Variants in CFAP61 observed in about 807,000 individuals in gnomAD.
CFAP61 encodes cilia and flagella associated protein 61.
In CFAP61, 107 loss-of-function variants were observed where a neutral mutation model predicts 135.6. The ratio of observed to expected loss-of-function variants is 0.79; its 90% CI spans 0.67 to 0.93. CFAP61 has a LOEUF of 0.93. CFAP61 is among the 40% of genes least tolerant of loss of function. CFAP61 has a pLI of 0.00. For missense variants in CFAP61, 1,507 were observed against 1,556.2 expected, an observed-to-expected ratio of 0.97 and a Z score of 0.53; for synonymous variants, 575 against 578.5, an observed-to-expected ratio of 0.99 and a Z score of 0.09.
At chr20:20,140,229 C>T (rs2051268460) in intron 8 of CFAP61, among the ~76,000 whole-genome samples, 1 of 146,042 alleles carries the variant, frequency 6.8e-6, no homozygotes. Context: ...TTTTAGGGTA[C>T]ATGTGCACAA....
intron 25 of CFAP61, among the ~76,000 whole-genome samples, chr20:20,314,894 C>T (rs2057039901): frequency 7.4e-6 from 1 of 134,342 alleles, no homozygotes; most frequent in South Asian, 2.6e-4. Flanking sequence ...GCATAGTATT[C>T]CATGGTGTAT....
intron 6 of CFAP61, among the ~76,000 whole-genome samples, chr20:20,090,598 G>A (rs1261836354): frequency 1.3e-5 from 2 of 151,146 alleles, no homozygotes; most frequent in Non-Finnish European, 2.9e-5. Context: ...GCTGAGGCAG[G>A]AGAATCGCTT....
chr20:20,199,994 T>C (rs2056528312), intron 17 of CFAP61, 92 bp downstream of exon 17: 2 of 1,431,984 alleles, frequency 1.4e-6, no homozygotes, highest in African/African-American at 2.8e-5. Context: ...AGGAGCAGGC[T>C]GCTTCTTAAT....
intron 8 of CFAP61, among the ~76,000 whole-genome samples, chr20:20,128,468 G>A (rs766396678): frequency 1.3e-5 from 2 of 151,640 alleles, no homozygotes; most frequent in Non-Finnish European, 2.9e-5. Context: ...CTGCAGTGGG[G>A]GTATGTATTT....
Position 20,187,966 on chromosome 20 carries a change from T to G in CFAP61, c.1422T>G (p.Thr474=), listed in dbSNP as rs767827597. The G allele has an allele frequency of 1.9e-6, 3 of 1,613,316 alleles. No homozygotes were observed. In the South Asian group the frequency reaches 3.3e-5, roughly 18 times the overall value. ...TAAGATTTGCCACTCTCTTGGATACTCCTGGTGTGGAAAATCTTGTCAGCA... is the reference window on the plus strand; with the variant it reads ...TAAGATTTGCCACTCTCTTGGATACGCCTGGTGTGGAAAATCTTGTCAGCA... The part of the protein sequence containing the change: ...INIRFATLLD[T]PGVENLVSTL... The change falls in exon 14 of 27, where the codon ACT becomes ACG. Residue 474 remains threonine, a synonymous_variant. Coordinates refer to ENST00000245957, the MANE Select transcript of CFAP61 (RefSeq NM_015585.4).
intron 8 of CFAP61, among the ~76,000 whole-genome samples, chr20:20,140,661 C>T (rs2051313889): frequency 6.6e-6 from 1 of 151,952 alleles, no homozygotes; most frequent in African/African-American, 2.4e-5. Flanking sequence ...TGTGGCAATT[C>T]CTCAGGGATC....
intron 8 of CFAP61, among the ~76,000 whole-genome samples, chr20:20,127,890 G>A (rs1343068087): frequency 1.3e-5 from 2 of 151,570 alleles, no homozygotes; most frequent in African/African-American, 4.9e-5. Flanking sequence ...ATGGGGGTGA[G>A]GTTCCCAGGT....
At chr20:20,054,102 C>T (rs2044069004) in intron 1 of CFAP61, among the ~76,000 whole-genome samples, 1 of 145,572 alleles carries the variant, frequency 6.9e-6, no homozygotes, top group Non-Finnish European at 1.5e-5. Flanking sequence ...TCATGTTTAC[C>T]TTCTTATTTC....
At chr20:20,331,022 A>G (rs1471064452) in intron 25 of CFAP61, among the ~76,000 whole-genome samples, 1 of 152,230 alleles carries the variant, frequency 6.6e-6, no homozygotes, top group African/African-American at 2.4e-5. Context: ...TTGAGACTAT[A>G]TAAATACCTT....
At chr20:20,214,139 G>C (rs2047869849) in intron 17 of CFAP61, among the ~76,000 whole-genome samples, 1 of 152,166 alleles carries the variant, frequency 6.6e-6, no homozygotes, top group Non-Finnish European at 1.5e-5. Context: ...ACAGGGCAGT[G>C]TGGGGCCCTC....
At chr20:20,290,817 G>A (rs936391122) in intron 24 of CFAP61, among the ~76,000 whole-genome samples, 1 of 152,220 alleles carries the variant, frequency 6.6e-6, no homozygotes, top group Non-Finnish European at 1.5e-5. Context: ...CCACCTTGAA[G>A]TGGATCCTGC....
rs183396752 is a variant in CFAP61, at chr20:20,193,805, G to T, written c.1590+2386G>T. On this transcript the variant is annotated intron_variant, in intron 15 of 26. Coordinates refer to ENST00000245957, the MANE Select transcript of CFAP61 (RefSeq NM_015585.4). ...ATTTTTGTATTTTTAGTAGAGATGGGGTTTCACCATGTTGGCCAGTCTGGT... is the reference window on the plus strand; with the variant it reads ...ATTTTTGTATTTTTAGTAGAGATGGTGTTTCACCATGTTGGCCAGTCTGGT... Among the ~76,000 whole-genome samples, 207 of 152,076 alleles carry T rather than the reference G, an allele frequency of 1.4e-3. 1 individual carries two copies. Among genetic ancestry groups the T allele is most frequent in the Non-Finnish European group, 1.9e-3 (128 of 67,990 alleles).
At chr20:20,142,028 G>A (rs543500725) in intron 8 of CFAP61, among the ~76,000 whole-genome samples, 22 of 152,126 alleles carry the variant, frequency 1.4e-4, no homozygotes, top group Non-Finnish European at 2.5e-4. Flanking sequence ...CCAGCAGAGC[G>A]GACACCACTG....
At chr20:20,323,774 C>A (rs923996848) in intron 25 of CFAP61, among the ~76,000 whole-genome samples, 2 of 152,036 alleles carry the variant, frequency 1.3e-5, no homozygotes, top group Admixed American at 1.3e-4. Flanking sequence ...TAAAGAATTG[C>A]AAAGAAACCA....
chr20:20,289,655 A>G (rs1014112158), intron 23 of CFAP61, among the ~76,000 whole-genome samples: 1 of 152,220 alleles, frequency 6.6e-6, no homozygotes, highest in Non-Finnish European at 1.5e-5. Flanking sequence ...ACAGAGACGA[A>G]AGCCCCACAT....
rs1427186631 is a variant in CFAP61 at position 20,075,509 on chromosome 20, T to A, written c.460T>A (p.Phe154Ile). 1 of 1,614,176 alleles carries A rather than the reference T, an allele frequency of 6.2e-7. No individual in the cohort carries two copies. Among genetic ancestry groups the A allele is most frequent in the Admixed American group, 1.7e-5 (1 of 60,032 alleles). Residue 154 changes from phenylalanine (F) to isoleucine (I), a missense_variant, in exon 6 of 27, where the codon TTT becomes ATT. By Grantham distance (21) the Phe-to-Ile change is conservative. Transcript: ENST00000245957. ...MSLGSTLITV[F>I]DQVGNIPCLT... The stretch of plus-strand genomic sequence containing the variant: ...TTTAGGCTCAACTCTCATAACTGTT[T>A]TTGACCAAGTGGGGAACATCCCGTG...
intron 2 of CFAP61, among the ~76,000 whole-genome samples, chr20:20,070,547 TA>T (rs2045631452): frequency 6.6e-6 from 1 of 152,106 alleles, no homozygotes; most frequent in African/African-American, 2.4e-5. Flanking sequence ...ATGGAGAGGA[TA>T]GGGGAAACTG....
chr20:20,105,990 C>A (rs1270204370), intron 8 of CFAP61, among the ~76,000 whole-genome samples: 11 of 113,756 alleles, frequency 9.7e-5, no homozygotes, highest in Non-Finnish European at 1.6e-4. Flanking sequence ...AAAGCTTTAG[C>A]TACTCTTGCC....
chr20:20,307,846 A>C (rs2424343), intron 25 of CFAP61, among the ~76,000 whole-genome samples: 110,757 of 151,696 alleles, frequency 0.73, 41,159 homozygotes, highest in African/African-American at 0.88. Flanking sequence ...CACTTTATAG[A>C]AAAGGGATGG....
Sources: gnomAD v4.1 joint callset for allele counts (sites outside exome capture counted in the v4.1 genomes callset) on GRCh38, gnomAD v4.1.1 for gene constraint, MANE v1.5 for transcripts, NCBI Gene and HGNC (gene_info 2026-07-23, HGNC 2026-07-21) for gene names.